RNF125: variants seen among roughly 807,000 people sequenced by gnomAD.
The protein encoded by RNF125 is ring finger protein 125, also known as E3 ubiquitin-protein ligase RNF125.
Under a neutral mutation model 26.0 loss-of-function variants are expected in RNF125, and 21 were observed. That is an observed-to-expected ratio of 0.81 (90% CI 0.57 to 1.16). The LOEUF is 1.16. Ranked by LOEUF, RNF125 falls within the 50% of genes most tolerant of loss-of-function variation. The pLI, the probability that RNF125 is intolerant of heterozygous loss-of-function variation, is 0.00. For synonymous variants in RNF125, 95 were observed against 109.2 expected (o/e 0.87, Z 0.81); for missense variants, 270 against 299.4 (o/e 0.90, Z 0.72).
chr18:32,086,172 C>T, the RNF125 span, among the ~76,000 whole-genome samples: 6 of 151,570 alleles, frequency 4.0e-5, no homozygotes, highest in East Asian at 3.9e-4. Context: ...TGTAGTTCCA[C>T]GTAGCACATA....
At chr18:32,026,312 G>C (rs893193006) in intron 1 of RNF125, among the ~76,000 whole-genome samples, 1 of 131,870 alleles carries the variant, frequency 7.6e-6, no homozygotes, top group Non-Finnish European at 1.5e-5. Context: ...GCAGTGGCCC[G>C]ATCTGGGCTC....
At chr18:32,059,007 T>C (rs140280334) in intron 4 of RNF125, among the ~76,000 whole-genome samples, 28 of 152,358 alleles carry the variant, frequency 1.8e-4, no homozygotes, top group African/African-American at 6.7e-4. Context: ...ATGCTTTCTT[T>C]ACCCACTTGT....
chr18:32,051,694 C>CTTTTTTT (rs71177837), intron 4 of RNF125, among the ~76,000 whole-genome samples: 11 of 118,030 alleles, frequency 9.3e-5, no homozygotes, highest in South Asian at 2.6e-4. Context: ...TATTTTCTTT[C>CTTTTTTT]TTTTTTTTTT....
intron 1 of RNF125, among the ~76,000 whole-genome samples, chr18:32,025,759 C>T (rs1207155561): frequency 1.3e-5 from 2 of 150,708 alleles, no homozygotes; most frequent in African/African-American, 4.9e-5. Context: ...TGTGTGTGTT[C>T]CTCAAGGGGT....
intron 1 of RNF125, among the ~76,000 whole-genome samples, chr18:32,031,561 T>C (rs1449722627): frequency 1.4e-5 from 2 of 147,864 alleles, no homozygotes; most frequent in African/African-American, 4.9e-5. Flanking sequence ...TGCTTGCCTC[T>C]AAATAATGTA....
chr18:32,068,580 G>T lies in RNF125; in HGVS notation c.*196G>T. ...GTTTAAATCTGTTTTACATCCTTGA[G>T]ATTCTTACACATCTAACAACAAAAA... On this transcript the variant is annotated 3_prime_UTR_variant, in exon 6 of 6. Coordinates refer to ENST00000217740, the MANE Select transcript of RNF125 (RefSeq NM_017831.4). The T allele has an allele frequency of 2.2e-6, 1 of 464,426 alleles. No individual in the cohort carries two copies. Among genetic ancestry groups the T allele is most frequent in the South Asian group, 3.2e-5 (1 of 31,172 alleles). 28.8% of individuals were successfully genotyped at this position (464,426 alleles called of 1,614,324 possible).
At chr18:32,062,232 C>G (rs541530047) in intron 4 of RNF125, among the ~76,000 whole-genome samples, 1 of 152,306 alleles carries the variant, frequency 6.6e-6, no homozygotes, top group East Asian at 1.9e-4. Flanking sequence ...TCCTACTGAT[C>G]TCTATATTCT....
chr18:32,074,540 TTTTTC>T (rs1317151332), downstream of RNF125, among the ~76,000 whole-genome samples: 1 of 152,110 alleles, frequency 6.6e-6, no homozygotes, highest in African/African-American at 2.4e-5. Context: ...TAGTATTTTC[TTTTTC>T]TTTTCTTTTT....
chr18:32,033,185 TGGAAAG>T (rs1419139683), intron 1 of RNF125, among the ~76,000 whole-genome samples: 3 of 152,078 alleles, frequency 2.0e-5, no homozygotes, highest in Non-Finnish European at 4.4e-5. Flanking sequence ...ATGCTGAAGA[TGGAAAG>T]GGAGAAGAGG....
chr18:32,033,416 T>A (rs1598811357), intron 1 of RNF125, among the ~76,000 whole-genome samples: 1 of 151,976 alleles, frequency 6.6e-6, no homozygotes, highest in East Asian at 1.9e-4. Flanking sequence ...TAATCCCAGC[T>A]GCTTGGGAGG....
At chr18:32,062,221 A>G (rs778364020) in intron 4 of RNF125, among the ~76,000 whole-genome samples, 19 of 152,250 alleles carry the variant, frequency 1.2e-4, no homozygotes, top group Non-Finnish European at 2.1e-4. Context: ...ACTTCAAAGT[A>G]TCCTACTGAT....
At position 32,065,193 on chromosome 18, in the gene RNF125, T is replaced by C. The variant is rs1048348225; in HGVS notation, c.505-709T>C. ...GATGAATAAAGTTGACAGTTTATTT[T>C]TGAATGGTTACCTGTTGTTGTTTTT... On this transcript the variant is annotated intron_variant, in intron 4 of 5. Coordinates refer to ENST00000217740, the MANE Select transcript of RNF125 (RefSeq NM_017831.4). Among the ~76,000 whole-genome samples the C allele has an allele frequency of 2.6e-5, 4 of 152,170 alleles. 1 individual carries two copies. The highest frequency in any genetic ancestry group is 2.6e-4 in the Admixed American group (4 of 15,266).
At chr18:32,062,967 C>G (rs2039448379) in intron 4 of RNF125, among the ~76,000 whole-genome samples, 1 of 152,022 alleles carries the variant, frequency 6.6e-6, no homozygotes, top group South Asian at 2.1e-4. Context: ...TGCTTGTAAT[C>G]CCAGCACTTT....
chr18:32,033,126 A>G (rs567147168), intron 1 of RNF125, among the ~76,000 whole-genome samples: 40 of 152,308 alleles, frequency 2.6e-4, no homozygotes, highest in South Asian at 1.7e-3. Context: ...GTAACCAATT[A>G]TTGGGGGCCA....
chr18:32,082,904 T>C, the RNF125 span, among the ~76,000 whole-genome samples: 1 of 152,158 alleles, frequency 6.6e-6, no homozygotes, highest in South Asian at 2.1e-4. Context: ...CCATCCTCTC[T>C]CCCCAAACAG....
At chr18:32,036,045 TTGGGAGGCTGAG>T (rs1206093949) in intron 1 of RNF125, among the ~76,000 whole-genome samples, 28 of 151,622 alleles carry the variant, frequency 1.8e-4, no homozygotes, top group African/African-American at 6.3e-4. Context: ...TCCCAGCTAC[TTGGGAGGCTGAG>T]TCAGGAGAAT....
At chr18:32,048,798 G>A (rs1381813542) in intron 4 of RNF125, among the ~76,000 whole-genome samples, 1 of 152,212 alleles carries the variant, frequency 6.6e-6, no homozygotes, top group African/African-American at 2.4e-5. Flanking sequence ...TCCTGCTCAA[G>A]TTGCTCTGTA....
chr18:32,024,194 TTTTTTTTTTTTTTTC>T (rs1463976015), intron 1 of RNF125, among the ~76,000 whole-genome samples: 36 of 86,642 alleles, frequency 4.2e-4, no homozygotes, highest in African/African-American at 1.4e-3. Context: ...ATGCCATTCT[TTTTTTTTTTTTTTTC>T]TTTTTTTTTT....
At chr18:32,090,265 G>A in the RNF125 span, among the ~76,000 whole-genome samples, 2 of 152,050 alleles carry the variant, frequency 1.3e-5, no homozygotes, top group Admixed American at 1.3e-4. Context: ...AAGAAAAAAA[G>A]TGAGTTTTCT....
Sources: allele counts gnomAD v4.1 joint callset (sites outside exome capture counted in the v4.1 genomes callset), GRCh38; gene constraint gnomAD v4.1.1; transcripts MANE v1.5; gene names NCBI Gene and HGNC (gene_info 2026-07-23, HGNC 2026-07-21).